The following CLTA variants were observed in gnomAD, a reference collection of about 807,000 sequenced individuals.
The protein encoded by CLTA is clathrin, light polypeptide (Lca).
CLTA carries 9 observed loss-of-function variants against 26.9 expected under a neutral mutation model. The ratio of observed to expected loss-of-function variants is 0.33; its 90% CI spans 0.20 to 0.58. The LOEUF is 0.58. Ranked by LOEUF, CLTA falls within the 20% of genes least tolerant of loss-of-function variation. The probability of loss-of-function intolerance (pLI) is 0.85; values close to 1 mark genes in which losing one functional copy is unlikely to be tolerated. For synonymous variants in CLTA, 120 were observed against 115.5 expected (o/e 1.04, Z -0.25); for missense variants, 278 against 294.2 (o/e 0.94, Z 0.40).
At chr9:36,205,814 C>T (rs141657293) in intron 4 of CLTA, among the ~76,000 whole-genome samples, 2,820 of 129,690 alleles carry the variant, frequency 0.022, 57 homozygotes, top group Non-Finnish European at 0.031. Flanking sequence ...GGCTGGAGTG[C>T]GGTGGTGCGA....
At position 36,211,720 on chromosome 9, in the gene CLTA, C is replaced by T. The variant is rs1406932637; in HGVS notation, c.603C>T (p.Val201=). 1 of 1,614,096 alleles carries T rather than the reference C, an allele frequency of 6.2e-7. No homozygotes were observed. Among genetic ancestry groups the T allele is most frequent in the South Asian group, 1.1e-5 (1 of 91,080 alleles). ...AGTCTAGCAAGCAGGCCAAAGATGT[C>T]TCCCGCATGCGCTCAGTCCTCATCT... ...NPKSSKQAKD[V]SRMRSVLISL... The change falls in exon 5 of 5, where the codon GTC becomes GTT. Residue 201 remains valine (V), a synonymous_variant. Coordinates refer to ENST00000345519, the MANE Select transcript of CLTA (RefSeq NM_001833.4).
chr9:36,195,059 A>G (rs1826941780), intron 1 of CLTA, among the ~76,000 whole-genome samples: 1 of 152,216 alleles, frequency 6.6e-6, no homozygotes, highest in Admixed American at 6.5e-5. Context: ...TTGGTATGTC[A>G]ATTGTACTAT....
Position 36,198,180 on chromosome 9 carries a change from T to C in CLTA, c.255+592T>C, listed in dbSNP as rs549111721. On this transcript the variant is annotated intron_variant, in intron 2 of 4. Transcript: ENST00000345519. Reference sequence around the variant, plus strand: ...CCCGGCTAATTTTTTGTATTTTTAGTAGAGATGGGGTTTCGCCATGTTGGC... The same window carrying C: ...CCCGGCTAATTTTTTGTATTTTTAGCAGAGATGGGGTTTCGCCATGTTGGC... Among the ~76,000 whole-genome samples, 76 of 151,798 alleles carry C rather than the reference T, an allele frequency of 5.0e-4. 1 individual carries two copies. The South Asian group carries it at 0.015, about 30-fold the overall frequency.
At chr9:36,209,170 G>T in intron 4 of CLTA, 3 of 1,465,148 alleles carry the variant, frequency 2.0e-6, no homozygotes, top group Non-Finnish European at 2.9e-6. Flanking sequence ...TCAGAGCACA[G>T]TTGTACCTCA....
chr9:36,210,776 T>G (rs1827994927), intron 4 of CLTA: 1 of 1,180,200 alleles, frequency 8.5e-7, no homozygotes, highest in African/African-American at 1.5e-5. Context: ...GTGCCACCCC[T>G]CCGTCCCCAC....
At chr9:36,204,392 C>T (rs1374911875) in intron 4 of CLTA, among the ~76,000 whole-genome samples, 1 of 152,162 alleles carries the variant, frequency 6.6e-6, no homozygotes, top group Non-Finnish European at 1.5e-5. Context: ...GAGCTTAGCT[C>T]TCTGAGAGTT....
chr9:36,199,482 C>T (rs1488625333), intron 3 of CLTA, among the ~76,000 whole-genome samples: 9 of 149,716 alleles, frequency 6.0e-5, no homozygotes, highest in Non-Finnish European at 8.9e-5. Flanking sequence ...TGAAGTCTCA[C>T]TCTGTTACCC....
chr9:36,203,466 C>G (rs1408271943), intron 3 of CLTA, among the ~76,000 whole-genome samples: 1 of 152,192 alleles, frequency 6.6e-6, no homozygotes, highest in Non-Finnish European at 1.5e-5. Flanking sequence ...CTATCATTCT[C>G]TGGTTCCTGA....
intron 4 of CLTA, among the ~76,000 whole-genome samples, chr9:36,207,179 G>A (rs1025755991): frequency 6.6e-6 from 1 of 152,186 alleles, no homozygotes; most frequent in Non-Finnish European, 1.5e-5. Context: ...TCTATTGTCA[G>A]TCCCCAGACT....
At position 36,201,346 on chromosome 9, in the gene CLTA, TTTCTC is replaced by T. The variant is rs1827389404; in HGVS notation, c.373+2252_373+2256del. Among the ~76,000 whole-genome samples, 6 of 152,200 alleles carry T rather than the reference TTTCTC, an allele frequency of 3.9e-5. No homozygotes were observed. In the South Asian group the frequency reaches 1.2e-3, roughly 31 times the overall value. On this transcript the variant is annotated intron_variant, in intron 3 of 4. Coordinates refer to ENST00000345519, the MANE Select transcript of CLTA (RefSeq NM_001833.4). Reference sequence around the variant, plus strand: ...TGGCTACATTCTCAAGTAATTTTCTTTTCTCTGACCAGTAACGAGGGTGGCCAGAA... The same window carrying T: ...TGGCTACATTCTCAAGTAATTTTCTTTGACCAGTAACGAGGGTGGCCAGAA...
intron 1 of CLTA, among the ~76,000 whole-genome samples, chr9:36,193,744 A>G: frequency 6.6e-6 from 1 of 152,208 alleles, no homozygotes; most frequent in East Asian, 1.9e-4. Context: ...GCGTCTATGG[A>G]GGATGGGCAC....
chr9:36,203,200 A>G (rs1827520762), intron 3 of CLTA, among the ~76,000 whole-genome samples: 1 of 152,048 alleles, frequency 6.6e-6, no homozygotes, highest in African/African-American at 2.4e-5. Context: ...CTTAGAGAAA[A>G]CCATATTTAG....
Position 36,211,653 on chromosome 9 carries a change from C to T in CLTA, c.536C>T (p.Thr179Ile), listed in dbSNP as rs376307351. Residue 179 changes from threonine to isoleucine, a missense_variant, in exon 5 of 5, where the codon ACT becomes ATT. Transcript: ENST00000345519. ...VNDIDESSPG[T>I]EWERVARLCD... is the part of the protein sequence containing the mutation. The stretch of plus-strand genomic sequence containing the variant: ...GACATTGACGAGTCGTCCCCAGGCA[C>T]TGAGTGGGAACGGGTGGCCCGGCTG... The T allele has an allele frequency of 1.3e-5, 21 of 1,613,940 alleles. No individual in the cohort carries two copies. In the South Asian group the frequency reaches 1.4e-4, roughly 11 times the overall value.
intron 4 of CLTA, among the ~76,000 whole-genome samples, chr9:36,205,260 A>G (rs1181716464): frequency 6.6e-6 from 1 of 152,068 alleles, no homozygotes; most frequent in Non-Finnish European, 1.5e-5. Flanking sequence ...GTCAGGTTCC[A>G]TGTGGAGTCC....
At chr9:36,199,173 A>C in intron 3 of CLTA, 77 bp downstream of exon 3, 1 of 924,086 alleles carries the variant, frequency 1.1e-6, no homozygotes, top group Non-Finnish European at 1.8e-6. Context: ...ATTCCTTTTT[A>C]GCTCACATTA....
chr9:36,201,833 T>C (rs1453039514), intron 3 of CLTA, among the ~76,000 whole-genome samples: 1 of 152,088 alleles, frequency 6.6e-6, no homozygotes, highest in Non-Finnish European at 1.5e-5. Context: ...CTGTAGAGGC[T>C]AGGTGGTGTG....
intron 4 of CLTA, among the ~76,000 whole-genome samples, chr9:36,210,820 G>A (rs756832650): frequency 1.4e-4 from 21 of 152,160 alleles, no homozygotes; most frequent in South Asian, 2.1e-4. Context: ...TGCTTTGCCC[G>A]TGATGCTTGT....
chr9:36,210,982 G>A (rs779998502), intron 4 of CLTA, among the ~76,000 whole-genome samples: 1 of 152,226 alleles, frequency 6.6e-6, no homozygotes, highest in South Asian at 2.1e-4. Flanking sequence ...TCTCCTGCCA[G>A]TGTGCCCTGA....
Position 36,191,081 on chromosome 9 carries a change from G to T in CLTA, c.25G>T (p.Ala9Ser). The change falls in exon 1 of 5, where the codon GCC (alanine) becomes TCC (serine). Residue 9 changes from alanine to serine, a missense_variant. Ala to Ser is a moderately conservative substitution (Grantham distance 99, BLOSUM62 1). Coordinates refer to ENST00000345519, the MANE Select transcript of CLTA (RefSeq NM_001833.4). The stretch of plus-strand genomic sequence containing the variant: ...CATGGCTGAGCTGGATCCGTTCGGC[G>T]CCCCTGCCGGCGCCCCTGGCGGTCC... MAELDPFG[A>S]PAGAPGGPAL... The T allele has an allele frequency of 6.3e-7, 1 of 1,583,296 alleles. No individual in the cohort carries two copies. Among genetic ancestry groups the T allele is most frequent in the Non-Finnish European group, 8.5e-7 (1 of 1,171,812 alleles).
Sources: gnomAD v4.1 joint callset for allele counts (sites outside exome capture counted in the v4.1 genomes callset) on GRCh38, gnomAD v4.1.1 for gene constraint, MANE v1.5 for transcripts, NCBI Gene and HGNC (gene_info 2026-07-23, HGNC 2026-07-21) for gene names.